The following TP63 variants were observed in gnomAD, a reference collection of about 807,000 sequenced individuals.
TP63 encodes the protein tumor protein 63.
TP63 carries 17 observed loss-of-function variants against 82.8 expected under a neutral mutation model. The ratio of observed to expected loss-of-function variants is 0.21; its 90% CI spans 0.14 to 0.31. TP63 has a LOEUF of 0.31. Ranked by LOEUF, TP63 falls within the 10% of genes least tolerant of loss-of-function variation. The pLI is 1.00. For synonymous variants in TP63, 330 were observed against 321.7 expected (o/e 1.03, Z -0.28); for missense variants, 648 against 895.3 (o/e 0.72, Z 3.52).
chr3:189,745,414 A>G (rs890055965), intron 3 of TP63, among the ~76,000 whole-genome samples: 8 of 152,194 alleles, frequency 5.3e-5, no homozygotes, highest in Non-Finnish European at 1.2e-4. Flanking sequence ...GATATCATTA[A>G]TAGAACCAAA....
intron 1 of TP63, among the ~76,000 whole-genome samples, chr3:189,661,633 A>T (rs138143044): frequency 6.6e-6 from 1 of 152,124 alleles, no homozygotes; most frequent in East Asian, 1.9e-4. Context: ...TTTTTGAAAT[A>T]GTTTTGATAG....
At chr3:189,767,670 C>A (rs1293795211) in intron 3 of TP63, among the ~76,000 whole-genome samples, 1 of 152,198 alleles carries the variant, frequency 6.6e-6, no homozygotes, top group East Asian at 1.9e-4. Context: ...GTTGGAAAAC[C>A]GTGAGTCTCA....
intron 1 of TP63, among the ~76,000 whole-genome samples, chr3:189,706,103 A>G (rs1178922660): frequency 5.3e-5 from 8 of 152,138 alleles, no homozygotes. Flanking sequence ...CATCGTATTA[A>G]TCTATAATCG....
At chr3:189,854,597 A>T (rs1268784242) in intron 4 of TP63, among the ~76,000 whole-genome samples, 2 of 152,148 alleles carry the variant, frequency 1.3e-5, no homozygotes, top group Non-Finnish European at 2.9e-5. Flanking sequence ...TAAATTGGAC[A>T]CTCAAGCCAT....
chr3:189,883,784 A>G (rs921480955), intron 10 of TP63, among the ~76,000 whole-genome samples: 3 of 152,124 alleles, frequency 2.0e-5, no homozygotes, highest in African/African-American at 7.2e-5. Flanking sequence ...TTCTTTCTTC[A>G]TCTGTGGTTT....
intron 11 of TP63, among the ~76,000 whole-genome samples, chr3:189,887,543 T>C (rs1720583550): frequency 6.6e-6 from 1 of 152,176 alleles, no homozygotes; most frequent in Non-Finnish European, 1.5e-5. Context: ...ATAGCTTTAC[T>C]ATAAATATAA....
chr3:189,732,122 C>T (rs1470644351), intron 1 of TP63, among the ~76,000 whole-genome samples: 1 of 152,104 alleles, frequency 6.6e-6, no homozygotes, highest in Non-Finnish European at 1.5e-5. Context: ...AAAAGCTGAA[C>T]TTCATGGTGT....
chr3:189,819,735 A>G (rs926895252), intron 4 of TP63, among the ~76,000 whole-genome samples: 2 of 140,118 alleles, frequency 1.4e-5, no homozygotes, highest in African/African-American at 5.2e-5. Flanking sequence ...CTGGTAATGG[A>G]TTATATTTTA....
At position 189,889,335 on chromosome 3, in the gene TP63, T is replaced by C; in HGVS notation, c.1508-5T>C. 6.2e-7 allele frequency: 1 copy of C among 1,614,138 alleles called. No individual in the cohort carries two copies. The highest frequency in any genetic ancestry group is 8.5e-7 in the Non-Finnish European group (1 of 1,180,010). On this transcript the variant is annotated splice_region_variant and splice_polypyrimidine_tract_variant and intron_variant, in intron 11 of 13. Coordinates refer to ENST00000264731, the MANE Select transcript of TP63 (RefSeq NM_003722.5). ...ACCCTTTTTGTTCCTCCTGCTTCTG[T>C]TCAGTTCCCATGATGGGCACCCACA... is the stretch of plus-strand genomic sequence containing the variant.
chr3:189,618,827 C>T, the TP63 span, among the ~76,000 whole-genome samples: 3 of 152,156 alleles, frequency 2.0e-5, no homozygotes, highest in Non-Finnish European at 2.9e-5. Context: ...TGTCCTCTTC[C>T]CTCAGCCTCT....
intron 1 of TP63, among the ~76,000 whole-genome samples, chr3:189,643,657 A>G (rs1051521119): frequency 2.9e-4 from 44 of 152,020 alleles, no homozygotes; most frequent in Admixed American, 2.8e-3. Context: ...GCTCACCATC[A>G]TTTCTTTCCA....
intron 3 of TP63, among the ~76,000 whole-genome samples, chr3:189,739,978 T>C (rs77071188): frequency 0.03 from 4,642 of 152,226 alleles, 185 homozygotes; most frequent in East Asian, 0.15. Flanking sequence ...TGCTATGTAC[T>C]TTTTGGATAT....
intron 3 of TP63, among the ~76,000 whole-genome samples, chr3:189,748,508 CAAA>C (rs58926854): frequency 0.071 from 2,228 of 31,414 alleles, 23 homozygotes; most frequent in South Asian, 0.17. Context: ...AGGAAAACTA[CAAA>C]AAAAAAAAAA....
intron 1 of TP63, among the ~76,000 whole-genome samples, chr3:189,637,251 AT>A (rs138835054): frequency 0.072 from 10,830 of 151,140 alleles, 481 homozygotes; most frequent in Middle Eastern, 0.2. Context: ...TGGGAACTGA[AT>A]TTTTTTTTTC....
intron 1 of TP63, among the ~76,000 whole-genome samples, chr3:189,668,833 G>A (rs1714634897): frequency 6.6e-6 from 1 of 151,840 alleles, no homozygotes. Context: ...AGCAACACAA[G>A]GAGACCTTAT....
At chr3:189,725,493 A>C (rs977373196) in intron 1 of TP63, among the ~76,000 whole-genome samples, 1 of 152,218 alleles carries the variant, frequency 6.6e-6, no homozygotes, top group Non-Finnish European at 1.5e-5. Context: ...AATAATACGT[A>C]TCCCGTTGTG....
chr3:189,866,085 C>G (rs1298355629), intron 5 of TP63, among the ~76,000 whole-genome samples: 1 of 152,108 alleles, frequency 6.6e-6, no homozygotes, highest in Non-Finnish European at 1.5e-5. Flanking sequence ...TTTTATGAAA[C>G]TTTACTCAGT....
chr3:189,876,358 G>A (rs1316470576), intron 10 of TP63, among the ~76,000 whole-genome samples: 2 of 152,036 alleles, frequency 1.3e-5, no homozygotes, highest in Non-Finnish European at 2.9e-5. Flanking sequence ...GCTCTAAAGG[G>A]AATTTTTTAT....
intron 4 of TP63, among the ~76,000 whole-genome samples, chr3:189,828,807 G>A (rs1431154074): frequency 6.6e-6 from 1 of 152,136 alleles, no homozygotes; most frequent in Non-Finnish European, 1.5e-5. Flanking sequence ...ATTTCTTAAC[G>A]TGGTATGGAA....
Sources: gnomAD v4.1 joint callset for allele counts (sites outside exome capture counted in the v4.1 genomes callset) on GRCh38, gnomAD v4.1.1 for gene constraint, MANE v1.5 for transcripts, NCBI Gene and HGNC (gene_info 2026-07-23, HGNC 2026-07-21) for gene names.